Variants in FOXP2 observed in about 807,000 individuals in gnomAD.
FOXP2 encodes forkhead box protein P2.
Under a neutral mutation model 115.8 loss-of-function variants are expected in FOXP2, and 12 were observed. That is an observed-to-expected ratio of 0.10 (90% CI 0.07 to 0.17). The LOEUF is 0.17. Ranked by LOEUF, FOXP2 falls within the 10% of genes least tolerant of loss-of-function variation. The pLI is 1.00. For missense variants in FOXP2, 629 were observed against 843.5 expected (o/e 0.75, Z 3.15); for synonymous variants, 328 against 297.7 (o/e 1.10, Z -1.05).
intron 2 of FOXP2, among the ~76,000 whole-genome samples, chr7:114,515,792 T>C (rs1482054343): frequency 4.6e-5 from 7 of 152,108 alleles, no homozygotes; most frequent in Non-Finnish European, 1.0e-4. Flanking sequence ...AAGTCCTTGC[T>C]CATGCCTATG....
At position 114,691,039 on chromosome 7, in the gene FOXP2, G is replaced by A. The variant is rs758273873; in HGVS notation, c.*1113G>A. The A allele has an allele frequency of 2.9e-5, 13 of 454,056 alleles. No individual in the cohort carries two copies. Among genetic ancestry groups the A allele is most frequent in the Admixed American group, 1.4e-4 (6 of 42,544 alleles). The allele number at this position is 454,056 out of a possible 1,614,324, so 28.1% of individuals were successfully genotyped here. ...AAAGACAGAGGTGAGGACAAAATCC[G>A]CAGTGGAAGTTATGATATGCTAGAA... On this transcript the variant is annotated 3_prime_UTR_variant, in exon 17 of 17. Transcript: ENST00000350908.
chr7:114,426,803 TA>T (rs1793874628), intron 2 of FOXP2, 124 bp downstream of exon 2: 9 of 1,052,248 alleles, frequency 8.6e-6, no homozygotes, highest in Non-Finnish European at 1.1e-5. Flanking sequence ...AATTTATTAT[TA>T]TTTGGAACAT....
At chr7:114,455,299 C>A (rs1315973737) in intron 2 of FOXP2, among the ~76,000 whole-genome samples, 1 of 152,164 alleles carries the variant, frequency 6.6e-6, no homozygotes, top group African/African-American at 2.4e-5. Flanking sequence ...CCTTCCACTC[C>A]ACCCTCTGTA....
In FOXP2 at chr7:114,220,205, G is replaced by A. The variant is rs529254685; in HGVS notation, c.-102+57117G>A. ...GGCTTTTTATAAAGCTTGATGGCTA[G>A]GCTTAGTTGTAGTTGTTTCTTTTTT... On this transcript the variant is annotated intron_variant, in intron 1 of 17. Transcript: ENST00000634411. Among the ~76,000 whole-genome samples the A allele has an allele frequency of 2.0e-5, 3 of 151,882 alleles. No individual in the cohort carries two copies. The South Asian group carries it at 6.2e-4, about 32-fold the overall frequency.
At chr7:114,135,400 C>T (rs1792013147) in intron 1 of FOXP2, among the ~76,000 whole-genome samples, 2 of 151,986 alleles carry the variant, frequency 1.3e-5, no homozygotes, top group African/African-American at 4.8e-5. Context: ...ACTAAAGGTG[C>T]TATTTTCATT....
intron 2 of FOXP2, among the ~76,000 whole-genome samples, chr7:114,508,029 G>T (rs954548042): frequency 1.3e-5 from 2 of 151,856 alleles, no homozygotes; most frequent in African/African-American, 2.4e-5. Context: ...ACTGTCCTAG[G>T]TGATAGAAAT....
intron 2 of FOXP2, among the ~76,000 whole-genome samples, chr7:114,400,801 T>C (rs960077463): frequency 2.0e-5 from 3 of 152,074 alleles, no homozygotes; most frequent in Non-Finnish European, 2.9e-5. Flanking sequence ...TAACAGGCCA[T>C]GGACTGGTAC....
chr7:114,597,034 C>G (rs1802755798), intron 3 of FOXP2, among the ~76,000 whole-genome samples: 1 of 151,942 alleles, frequency 6.6e-6, no homozygotes, highest in Non-Finnish European at 1.5e-5. Flanking sequence ...TTCAAAAAAA[C>G]TTTCTTTTGG....
At chr7:114,631,783 T>C in intron 6 of FOXP2, 78 bp downstream of exon 6, 1 of 1,470,356 alleles carries the variant, frequency 6.8e-7, no homozygotes, top group East Asian at 2.3e-5. Flanking sequence ...GCCTTATACC[T>C]TGAGAAATTT....
At chr7:114,533,089 G>T (rs1799217126) in intron 2 of FOXP2, among the ~76,000 whole-genome samples, 1 of 151,908 alleles carries the variant, frequency 6.6e-6, no homozygotes, top group Admixed American at 6.6e-5. Context: ...ACGTTAATTT[G>T]TAATTACTTG....
chr7:114,399,249 A>C (rs1014697049), intron 2 of FOXP2, among the ~76,000 whole-genome samples: 1 of 151,728 alleles, frequency 6.6e-6, no homozygotes, highest in African/African-American at 2.4e-5. Context: ...CTGTGATTAC[A>C]GGCACCTGCC....
chr7:114,354,789 A>G (rs1791576651), intron 2 of FOXP2, among the ~76,000 whole-genome samples: 1 of 152,172 alleles, frequency 6.6e-6, no homozygotes, highest in African/African-American at 2.4e-5. Context: ...GAAATCACAT[A>G]TATGTGAAAA....
intron 1 of FOXP2, among the ~76,000 whole-genome samples, chr7:114,243,009 A>G (rs563077162): frequency 3.9e-5 from 6 of 152,260 alleles, no homozygotes; most frequent in African/African-American, 1.4e-4. Context: ...TTCAGATTCT[A>G]TTAACTTTTA....
At chr7:114,216,510 A>G (rs1346719418) in intron 1 of FOXP2, among the ~76,000 whole-genome samples, 1 of 152,136 alleles carries the variant, frequency 6.6e-6, no homozygotes, top group African/African-American at 2.4e-5. Context: ...TTATGTTTAC[A>G]TTTTATATAT....
chr7:114,196,012 A>T lies in FOXP2; in HGVS notation c.-102+32924A>T, dbSNP rs140779512. 3.9e-3 allele frequency among the ~76,000 whole-genome samples: 590 copies of T among 152,080 alleles called. 9 individuals carry two copies. The highest frequency in any genetic ancestry group is 0.013 in the African/African-American group (553 of 41,500). On this transcript the variant is annotated intron_variant, in intron 1 of 17. Coordinates refer to the FOXP2 transcript ENST00000634411. ...TATTTTGTATTTTAAAAAATTAATT[A>T]ATTAATTTATTTATTTATTGCGGCA...
chr7:114,562,404 C>T (rs1800798503), intron 3 of FOXP2, among the ~76,000 whole-genome samples: 1 of 152,170 alleles, frequency 6.6e-6, no homozygotes, highest in South Asian at 2.1e-4. Context: ...TAAGTCACAC[C>T]TGTTTCCCTG....
chr7:114,426,566 G>A lies in FOXP2; in HGVS notation c.55G>A (p.Gly19Arg). ...TISNSSMNQNGMSTLSSQLDA... is the reference protein window; with the variant it reads ...TISNSSMNQNRMSTLSSQLDA... ...AAGCAACAGTTCAATGAATCAAAAT[G>A]GAATGAGCACTCTAAGCAGCCAATT... The change falls in exon 2 of 17, where the codon GGA (glycine) becomes AGA (arginine). Residue 19 changes from glycine (G) to arginine (R), a missense_variant. Transcript: ENST00000350908. The A allele has an allele frequency of 6.2e-7, 1 of 1,611,520 alleles. No individual in the cohort carries two copies. The highest frequency in any genetic ancestry group is 8.5e-7 in the Non-Finnish European group (1 of 1,178,340).
At chr7:114,465,412 A>G (rs780947782) in intron 2 of FOXP2, among the ~76,000 whole-genome samples, 43 of 152,364 alleles carry the variant, frequency 2.8e-4, no homozygotes, top group Non-Finnish European at 4.9e-4. Context: ...GAAGGCATTC[A>G]TAAGATAGTG....
At chr7:114,595,068 C>T (rs1353843167) in intron 3 of FOXP2, among the ~76,000 whole-genome samples, 1 of 151,922 alleles carries the variant, frequency 6.6e-6, no homozygotes, top group East Asian at 1.9e-4. Context: ...ACATAATGAA[C>T]TTATACTTTG....
Sources: gnomAD v4.1 joint callset for allele counts (sites outside exome capture counted in the v4.1 genomes callset) on GRCh38, gnomAD v4.1.1 for gene constraint, MANE v1.5 for transcripts, NCBI Gene and HGNC (gene_info 2026-07-23, HGNC 2026-07-21) for gene names.